Variants in ERG observed in about 807,000 individuals in gnomAD.
The protein encoded by ERG is transcriptional regulator ERG.
ERG carries 9 observed loss-of-function variants against 55.3 expected under a neutral mutation model. The observed-to-expected ratio is 0.16, with a 90% CI of 0.10 to 0.28. The LOEUF is 0.28. Ranked by LOEUF, ERG falls within the 10% of genes least tolerant of loss-of-function variation. ERG has a pLI of 1.00. For synonymous variants in ERG, 223 were observed against 237.3 expected, an observed-to-expected ratio of 0.94 and a Z score of 0.55; for missense variants, 434 against 631.6, an observed-to-expected ratio of 0.69 and a Z score of 3.35.
intron 3 of ERG, among the ~76,000 whole-genome samples, chr21:38,422,469 T>A (rs144899439): frequency 8.5e-4 from 129 of 152,372 alleles, no homozygotes; most frequent in Admixed American, 1.6e-3. Flanking sequence ...ATCTTCCTCA[T>A]CAGGGAAATC....
chr21:38,409,211 T>C (rs1045071858), intron 3 of ERG, among the ~76,000 whole-genome samples: 2 of 151,784 alleles, frequency 1.3e-5, no homozygotes, highest in East Asian at 3.9e-4. Flanking sequence ...AGGCTGGGCG[T>C]GGTGGCTCAT....
At chr21:38,660,359 G>C (rs936077164) in intron 1 of ERG, among the ~76,000 whole-genome samples, 4 of 152,138 alleles carry the variant, frequency 2.6e-5, no homozygotes, top group African/African-American at 9.7e-5. Flanking sequence ...CCCCGCACTG[G>C]CGAGCCGTCC....
At chr21:38,500,620 G>GTC (rs1458795527), upstream of ERG, among the ~76,000 whole-genome samples, 1 of 151,754 alleles carries the variant, frequency 6.6e-6, no homozygotes, top group Non-Finnish European at 1.5e-5. Context: ...CTCAATCTCT[G>GTC]TCTCTCTCTC....
At chr21:38,598,530 C>A (rs957794655) in intron 1 of ERG, among the ~76,000 whole-genome samples, 3 of 152,196 alleles carry the variant, frequency 2.0e-5, no homozygotes, top group African/African-American at 7.2e-5. Context: ...TAACTGAGTG[C>A]AAAATGGGAC....
intron 1 of ERG, among the ~76,000 whole-genome samples, chr21:38,473,794 A>ATATG (rs548659923): frequency 0.015 from 2,289 of 151,658 alleles, 53 homozygotes; most frequent in African/African-American, 0.053. Flanking sequence ...AAATATATAT[A>ATATG]TGTGTGTGTG....
At chr21:38,589,538 G>C (rs2060087176), upstream of ERG, among the ~76,000 whole-genome samples, 1 of 152,194 alleles carries the variant, frequency 6.6e-6, no homozygotes, top group South Asian at 2.1e-4. Flanking sequence ...GATTGGTTTA[G>C]GGAAGGGCAC....
chr21:38,498,736 C>A (rs1321018462), upstream of ERG, among the ~76,000 whole-genome samples: 1 of 152,064 alleles, frequency 6.6e-6, no homozygotes, highest in Non-Finnish European at 1.5e-5. This position sits in a 1 kb window ranked among gnomAD's most constrained non-coding sequence, Gnocchi z 4.6. Flanking sequence ...TGCACTGAGA[C>A]CAAGGCAGGA....
intron 2 of ERG, among the ~76,000 whole-genome samples, chr21:38,509,481 T>G (rs559145317): frequency 3.9e-5 from 6 of 152,296 alleles, no homozygotes; most frequent in Non-Finnish European, 1.5e-5. Context: ...GAAGGGAACA[T>G]CAACAGTTCC....
At chr21:38,637,736 T>A (rs1420967953) in intron 1 of ERG, among the ~76,000 whole-genome samples, 1 of 152,222 alleles carries the variant, frequency 6.6e-6, no homozygotes, top group Non-Finnish European at 1.5e-5. Flanking sequence ...CCTGTTCACT[T>A]GCTTTGTCCT....
the ERG span, among the ~76,000 whole-genome samples, chr21:38,372,332 A>AT: frequency 1.0e-3 from 156 of 151,754 alleles, 3 homozygotes; most frequent in East Asian, 0.029. Flanking sequence ...CAATTTGTTA[A>AT]TTTCTGTTAT....
chr21:38,564,533 T>C (rs776318225), intron 2 of ERG, among the ~76,000 whole-genome samples: 2 of 152,118 alleles, frequency 1.3e-5, no homozygotes, highest in Non-Finnish European at 2.9e-5. Context: ...ACCTTCTAAA[T>C]CATGTCAAAA....
intron 9 of ERG, among the ~76,000 whole-genome samples, chr21:38,386,458 A>G (rs1322688034): frequency 6.6e-6 from 1 of 152,224 alleles, no homozygotes; most frequent in Non-Finnish European, 1.5e-5. Flanking sequence ...TCTCACTGCA[A>G]GAATTCTCAA....
chr21:38,439,622 T>A (rs2058821918), intron 2 of ERG, among the ~76,000 whole-genome samples: 1 of 152,224 alleles, frequency 6.6e-6, no homozygotes, highest in Admixed American at 6.5e-5. Flanking sequence ...CAACGTGCAA[T>A]TAGATTACTG....
chr21:38,571,113 A>T (rs577036452), intron 2 of ERG, among the ~76,000 whole-genome samples: 75 of 152,346 alleles, frequency 4.9e-4, no homozygotes, highest in African/African-American at 1.7e-3. Flanking sequence ...GATGATAATC[A>T]TCTGGGTGCA....
intron 2 of ERG, among the ~76,000 whole-genome samples, chr21:38,539,802 T>C (rs1452946733): frequency 6.6e-6 from 1 of 152,108 alleles, no homozygotes; most frequent in Non-Finnish European, 1.5e-5. Flanking sequence ...ACCCATGCTC[T>C]GACCCCAGGT....
At chr21:38,592,140 ACTC>A (rs1366446634) in intron 1 of ERG, among the ~76,000 whole-genome samples, 1 of 151,830 alleles carries the variant, frequency 6.6e-6, no homozygotes, top group Non-Finnish European at 1.5e-5. Context: ...TCACAGGAAA[ACTC>A]CTGATTTGAA....
chr21:38,580,111 C>T lies in ERG; in HGVS notation c.-126-4364G>A, dbSNP rs375558467. Among the ~76,000 whole-genome samples the T allele has an allele frequency of 3.9e-5, 6 of 152,302 alleles. No homozygotes were observed. The South Asian group carries it at 6.2e-4, about 16-fold the overall frequency. ...CTGGGATTACAGGCGTGAGCCACCACGCCCGGCTAATTTTTTGTATTTTTA... is the reference window on the plus strand; with the variant it reads ...CTGGGATTACAGGCGTGAGCCACCATGCCCGGCTAATTTTTTGTATTTTTA... On this transcript the variant is annotated intron_variant, in intron 1 of 8. Coordinates refer to the ERG transcript ENST00000398897.
At chr21:38,441,595 C>G (rs2252203) in intron 2 of ERG, among the ~76,000 whole-genome samples, 67,897 of 152,014 alleles carry the variant, frequency 0.45, 16,057 homozygotes, top group East Asian at 0.64. Context: ...AGACACAATG[C>G]CAGGAGACAC....
intron 1 of ERG, among the ~76,000 whole-genome samples, chr21:38,606,965 T>C (rs1449387015): frequency 6.6e-6 from 1 of 151,860 alleles, no homozygotes; most frequent in Admixed American, 6.6e-5. Flanking sequence ...CTGAGCAAAA[T>C]AAACATAATT....
Sources: allele counts gnomAD v4.1 joint callset (sites outside exome capture counted in the v4.1 genomes callset), GRCh38; gene constraint gnomAD v4.1.1; non-coding constraint Gnocchi (gnomAD v3.1); transcripts MANE v1.5; gene names NCBI Gene and HGNC (gene_info 2026-07-23, HGNC 2026-07-21).